SLC35D4: variants seen among roughly 807,000 people sequenced by gnomAD.
The protein encoded by SLC35D4 is solute carrier family 35 member D4, also known as UDP-N-acetylglucosamine transporter SLC35D4.
At chr18:23,380,534 T>C in the SLC35D4 span, among the ~76,000 whole-genome samples, 3 of 152,130 alleles carry the variant, frequency 2.0e-5, no homozygotes, top group Non-Finnish European at 4.4e-5. Flanking sequence ...GGCCCACCCA[T>C]ACCCTGTGCC....
At chr18:23,379,913 T>C in the SLC35D4 span, among the ~76,000 whole-genome samples, 3 of 152,032 alleles carry the variant, frequency 2.0e-5, no homozygotes, top group Non-Finnish European at 2.9e-5. Flanking sequence ...CTGGACAACA[T>C]GGCGAAACCC....
At chr18:23,386,738 A>AG in the SLC35D4 span, among the ~76,000 whole-genome samples, 1 of 152,050 alleles carries the variant, frequency 6.6e-6, no homozygotes, top group South Asian at 2.1e-4. Flanking sequence ...AAAAAAAAAA[A>AG]AAAGGAGAAA....
At chr18:23,328,689 AATT>A in the SLC35D4 span, among the ~76,000 whole-genome samples, 1 of 152,230 alleles carries the variant, frequency 6.6e-6, no homozygotes, top group Non-Finnish European at 1.5e-5. Context: ...TTCTTCACAG[AATT>A]GGAAAAAAAC....
chr18:23,389,887 C>A, the SLC35D4 span, among the ~76,000 whole-genome samples: 1 of 152,170 alleles, frequency 6.6e-6, no homozygotes, highest in Admixed American at 6.5e-5. Context: ...TAACTCTGTA[C>A]AATTCCTAAT....
the SLC35D4 span, among the ~76,000 whole-genome samples, chr18:23,355,280 A>G: frequency 6.6e-6 from 1 of 152,194 alleles, no homozygotes; most frequent in Non-Finnish European, 1.5e-5. Context: ...ATAGAGCCCA[A>G]TTGTCACCCC....
At chr18:23,280,139 C>T in the SLC35D4 span, among the ~76,000 whole-genome samples, 1 of 152,268 alleles carries the variant, frequency 6.6e-6, no homozygotes, top group South Asian at 2.1e-4. Context: ...GAGCCATGCA[C>T]CAGACCCTGC....
the SLC35D4 span, among the ~76,000 whole-genome samples, chr18:23,413,620 T>C: frequency 1.3e-5 from 2 of 152,030 alleles, no homozygotes; most frequent in Non-Finnish European, 2.9e-5. Flanking sequence ...ACAGAGGCAA[T>C]GTTAGTATTA....
the SLC35D4 span, among the ~76,000 whole-genome samples, chr18:23,324,844 G>A: frequency 6.6e-6 from 1 of 152,152 alleles, no homozygotes; most frequent in Non-Finnish European, 1.5e-5. Context: ...GTGGTTAAAG[G>A]CCACTGCTAA....
At chr18:23,238,607 C>G in the SLC35D4 span, among the ~76,000 whole-genome samples, 1 of 152,206 alleles carries the variant, frequency 6.6e-6, no homozygotes, top group Admixed American at 6.5e-5. Context: ...AATAAGTGTT[C>G]AATAAATGAC....
the SLC35D4 span, among the ~76,000 whole-genome samples, chr18:23,399,338 G>A: frequency 5.9e-5 from 9 of 152,304 alleles, no homozygotes; most frequent in East Asian, 9.6e-4. Flanking sequence ...CCAGCTCCAC[G>A]AATACCATTA....
chr18:23,293,922 G>A, the SLC35D4 span, among the ~76,000 whole-genome samples: 3 of 152,088 alleles, frequency 2.0e-5, no homozygotes, highest in Non-Finnish European at 4.4e-5. Context: ...CTCCTGAGTA[G>A]CTGGGACTTA....
the SLC35D4 span, among the ~76,000 whole-genome samples, chr18:23,359,253 C>T: frequency 7.2e-5 from 11 of 151,884 alleles, no homozygotes; most frequent in African/African-American, 1.9e-4. Flanking sequence ...GGCGTGGTGG[C>T]GGGTGCCTGT....
chr18:23,425,130 T>A, the SLC35D4 span, among the ~76,000 whole-genome samples: 7 of 152,170 alleles, frequency 4.6e-5, no homozygotes, highest in Non-Finnish European at 1.0e-4. Flanking sequence ...TGGGACAGTC[T>A]CGCACTGTTG....
At chr18:23,264,353 C>CTTTT in the SLC35D4 span, among the ~76,000 whole-genome samples, 4 of 56,064 alleles carry the variant, frequency 7.1e-5, no homozygotes, top group East Asian at 6.7e-4. Flanking sequence ...CACTTTATTC[C>CTTTT]TTTTTTTTTT....
the SLC35D4 span, among the ~76,000 whole-genome samples, chr18:23,347,164 G>T: frequency 2.0e-5 from 3 of 152,236 alleles, no homozygotes; most frequent in South Asian, 4.1e-4. Flanking sequence ...ACCTAAGAAA[G>T]ATTTTAAATT....
chr18:23,354,383 T>C, the SLC35D4 span, among the ~76,000 whole-genome samples: 8 of 147,576 alleles, frequency 5.4e-5, no homozygotes, highest in East Asian at 1.6e-3. Context: ...TAGCCTGATG[T>C]GGTGGCGGGC....
chr18:23,297,971 G>A, the SLC35D4 span: 22 of 1,609,044 alleles, frequency 1.4e-5, no homozygotes, highest in East Asian at 6.7e-5. Context: ...CTGTTCTCCC[G>A]CAGCAGCCTG....
chr18:23,277,049 T>C, the SLC35D4 span, among the ~76,000 whole-genome samples: 1 of 152,184 alleles, frequency 6.6e-6, no homozygotes, highest in South Asian at 2.1e-4. Context: ...TTCTCATGAG[T>C]CTAGATTTTG....
the SLC35D4 span, among the ~76,000 whole-genome samples, chr18:23,388,281 C>T: frequency 6.6e-6 from 1 of 152,168 alleles, no homozygotes; most frequent in Non-Finnish European, 1.5e-5. Flanking sequence ...TTTTAAAGTA[C>T]ACTAACAATA....
Sources: allele counts gnomAD v4.1 joint callset (sites outside exome capture counted in the v4.1 genomes callset), GRCh38; gene constraint gnomAD v4.1.1; transcripts MANE v1.5; gene names NCBI Gene and HGNC (gene_info 2026-07-23, HGNC 2026-07-21).